MYO16: variants seen among roughly 807,000 people sequenced by gnomAD.
The protein encoded by MYO16 is myosin XVI, also known as unconventional myosin-XVI.
MYO16 carries 94 observed loss-of-function variants against 205.3 expected under a neutral mutation model. The ratio of observed to expected loss-of-function variants is 0.46; its 90% confidence interval spans 0.39 to 0.54. The LOEUF (loss-of-function observed/expected upper bound fraction) is 0.54, where lower values mean the gene tolerates loss of function less well. Among genes scored for constraint, MYO16 ranks in the 20% least tolerant of loss-of-function variants. The pLI is 0.00. For synonymous variants in MYO16, 988 were observed against 954.0 expected (o/e 1.04, Z -0.66); for missense variants, 2,315 against 2,387.5 (o/e 0.97, Z 0.63).
chr13:108,837,009 T>G (rs947666217), intron 9 of MYO16, among the ~76,000 whole-genome samples: 10 of 152,116 alleles, frequency 6.6e-5, no homozygotes, highest in African/African-American at 1.9e-4. Context: ...GAACATGAGA[T>G]TTGGGAGGGG....
chr13:108,685,024 A>C (rs1227182797), intron 2 of MYO16, among the ~76,000 whole-genome samples: 2 of 69,820 alleles, frequency 2.9e-5, no homozygotes, highest in African/African-American at 7.4e-5. Flanking sequence ...GAACCACCCC[A>C]ATTTTTTTTT....
At chr13:108,816,465 T>C (rs1245705091) in intron 7 of MYO16, among the ~76,000 whole-genome samples, 1 of 151,914 alleles carries the variant, frequency 6.6e-6, no homozygotes, top group African/African-American at 2.4e-5. Flanking sequence ...TGCTTCTCTG[T>C]AAGGTCTGTG....
chr13:108,782,697 C>T (rs545487910), intron 4 of MYO16, among the ~76,000 whole-genome samples: 1 of 152,190 alleles, frequency 6.6e-6, no homozygotes, highest in Admixed American at 6.5e-5. Context: ...GGCACAGGGT[C>T]CCCGTGCTGT....
In MYO16 at chr13:108,910,949, G is replaced by A. The variant is rs532253737; in HGVS notation, c.1925+799G>A. On this transcript the variant is annotated intron_variant, in intron 16 of 34. Transcript: ENST00000457511. ...TGATACCTGATTTATGGCTTATTGG[G>A]TGTTTATTATTAGATCTAGGGGAAC... Among the ~76,000 whole-genome samples the A allele has an allele frequency of 1.5e-3, 227 of 151,930 alleles. 1 individual carries two copies. The highest frequency in any genetic ancestry group is 2.9e-3 in the Non-Finnish European group (196 of 67,978).
At chr13:108,945,861 T>G (rs1882919084) in intron 16 of MYO16, among the ~76,000 whole-genome samples, 1 of 152,214 alleles carries the variant, frequency 6.6e-6, no homozygotes, top group Admixed American at 6.5e-5. Flanking sequence ...TTTAAGTTCT[T>G]CATTAAAATC....
At chr13:109,104,616 T>G (rs1009917462) in intron 28 of MYO16, among the ~76,000 whole-genome samples, 15 of 152,150 alleles carry the variant, frequency 9.9e-5, no homozygotes, top group African/African-American at 3.6e-4. Context: ...ATTCTAATTC[T>G]GAGGGTTAAG....
intron 20 of MYO16, among the ~76,000 whole-genome samples, chr13:108,977,156 G>A (rs1884292378): frequency 6.6e-6 from 1 of 152,076 alleles, no homozygotes; most frequent in South Asian, 2.1e-4. Context: ...TACATCCTTT[G>A]CTAAGTTCAT....
At chr13:108,808,365 G>C (rs920274588) in intron 7 of MYO16, among the ~76,000 whole-genome samples, 2 of 149,602 alleles carry the variant, frequency 1.3e-5, no homozygotes, top group African/African-American at 4.9e-5. Flanking sequence ...AGGCTATAGT[G>C]CAGTGGTGTG....
In MYO16 at chr13:109,052,450, A is replaced by G. The variant is rs779333279; in HGVS notation, c.3023A>G (p.Asn1008Ser). The part of the protein sequence containing the change: ...KMTASSIIGE[N>S]KNYLELSKLL... ...ACAGCTTCTTCAATTATTGGAGAAAACAAGAATTATCTAGAACTTAGTAAG... is the reference window on the plus strand; with the variant it reads ...ACAGCTTCTTCAATTATTGGAGAAAGCAAGAATTATCTAGAACTTAGTAAG... Residue 1008 changes from asparagine (N) to serine (S), a missense_variant, in exon 25 of 35, where the codon AAC becomes AGC. Transcript: ENST00000457511. The G allele has an allele frequency of 1.9e-6, 3 of 1,610,280 alleles. No homozygotes were observed. Among genetic ancestry groups the G allele is most frequent in the Non-Finnish European group, 2.5e-6 (3 of 1,177,412 alleles).
intron 14 of MYO16, among the ~76,000 whole-genome samples, chr13:108,894,652 A>G (rs1254965231): frequency 6.6e-6 from 1 of 152,174 alleles, no homozygotes; most frequent in East Asian, 1.9e-4. Flanking sequence ...AGTGACTGAA[A>G]TCTTTCTGTC....
intron 2 of MYO16, among the ~76,000 whole-genome samples, chr13:108,698,914 G>C (rs1883190483): frequency 6.6e-6 from 1 of 152,040 alleles, no homozygotes; most frequent in African/African-American, 2.4e-5. Context: ...TTACAAATGA[G>C]GGAACTGAGG....
intron 1 of MYO16, among the ~76,000 whole-genome samples, chr13:108,602,447 T>C (rs990967812): frequency 6.6e-6 from 1 of 152,042 alleles, no homozygotes; most frequent in Non-Finnish European, 1.5e-5. Flanking sequence ...TTTTAAGATA[T>C]TGGTAGGAGT....
intron 34 of MYO16, among the ~76,000 whole-genome samples, chr13:109,205,165 C>A (rs1285737897): frequency 6.6e-6 from 1 of 152,210 alleles, no homozygotes; most frequent in Non-Finnish European, 1.5e-5. Context: ...CCCTTAAGCT[C>A]TTCTTTCCTC....
chr13:108,833,272 C>T (rs1335035357), intron 9 of MYO16, among the ~76,000 whole-genome samples: 2 of 150,176 alleles, frequency 1.3e-5, no homozygotes, highest in East Asian at 3.9e-4. Context: ...AAAAAACTTA[C>T]AAAAATGAAT....
At chr13:108,873,663 CCAGGACAGGGTCCATGCCAACCAA>C (rs1470377656) in intron 12 of MYO16, among the ~76,000 whole-genome samples, 64 of 127,874 alleles carry the variant, frequency 5.0e-4, no homozygotes, top group African/African-American at 1.6e-3. Flanking sequence ...TGCCAACCAA[CCAGGACAGGGTCCATGCCAACCAA>C]CAGGACAGGG....
the MYO16 span, among the ~76,000 whole-genome samples, chr13:108,569,995 T>G: frequency 2.6e-5 from 4 of 152,212 alleles, no homozygotes; most frequent in Non-Finnish European, 5.9e-5. Context: ...TTGGCCATGG[T>G]GTATAATACT....
intron 12 of MYO16, among the ~76,000 whole-genome samples, chr13:108,878,163 G>A (rs755528373): frequency 3.3e-5 from 5 of 152,106 alleles, no homozygotes; most frequent in Non-Finnish European, 5.9e-5. Flanking sequence ...GCAGTTCCCC[G>A]GCAAAGGCCC....
intron 6 of MYO16, among the ~76,000 whole-genome samples, chr13:108,795,738 T>C (rs1353170126): frequency 6.6e-6 from 1 of 152,186 alleles, no homozygotes; most frequent in East Asian, 1.9e-4. Context: ...GTGACCAAAA[T>C]TCTTTTGTCA....
chr13:108,666,229 G>A (rs1183593901), intron 2 of MYO16, 80 bp downstream of exon 2: 10 of 1,421,970 alleles, frequency 7.0e-6, no homozygotes, highest in Non-Finnish European at 9.4e-6. Flanking sequence ...TTTTTTTGAT[G>A]GAGAGATGGG....
Sources: allele counts gnomAD v4.1 joint callset (sites outside exome capture counted in the v4.1 genomes callset), GRCh38; gene constraint gnomAD v4.1.1; transcripts MANE v1.5; gene names NCBI Gene and HGNC (gene_info 2026-07-23, HGNC 2026-07-21).